Variants in PARD3B observed in about 807,000 individuals in gnomAD.
PARD3B encodes the protein partitioning defective 3 homolog B.
In PARD3B, 103 loss-of-function variants were observed where a neutral mutation model predicts 130.2. The observed-to-expected ratio is 0.79, with a 90% CI of 0.67 to 0.93. PARD3B has a LOEUF of 0.93. Ranked by LOEUF, PARD3B falls within the 40% of genes least tolerant of loss-of-function variation. The pLI is 0.00. For missense variants in PARD3B, 1,609 were observed against 1,499.2 expected (o/e 1.07, Z -1.21); for synonymous variants, 583 against 553.2 (o/e 1.05, Z -0.76).
At chr2:204,562,714 T>C (rs1402219242) in intron 1 of PARD3B, among the ~76,000 whole-genome samples, 1 of 152,168 alleles carries the variant, frequency 6.6e-6, no homozygotes, top group East Asian at 1.9e-4. Flanking sequence ...GCCTCTGTAT[T>C]TATAGACACA....
At chr2:205,314,985 C>G (rs62171482) in intron 18 of PARD3B, among the ~76,000 whole-genome samples, 2 of 152,110 alleles carry the variant, frequency 1.3e-5, no homozygotes. Flanking sequence ...CCCTTCTTTT[C>G]CACTTCCACT....
intron 22 of PARD3B, 121 bp from the exon 23 acceptor site, chr2:205,615,335 A>G: frequency 1.3e-6 from 1 of 741,006 alleles, no homozygotes; most frequent in Non-Finnish European, 2.3e-6. Flanking sequence ...TTCTGCTCCC[A>G]TCCCATTGGC....
Position 205,558,799 on chromosome 2 carries a change from C to T in PARD3B, c.3260+5396C>T, listed in dbSNP as rs143704053. Among the ~76,000 whole-genome samples the T allele has an allele frequency of 5.3e-5, 8 of 152,254 alleles. No homozygotes were observed. Among genetic ancestry groups the T allele is most frequent in the East Asian group, 1.9e-4 (1 of 5,178 alleles). On this transcript the variant is annotated intron_variant, in intron 22 of 22. Coordinates refer to ENST00000406610, the MANE Select transcript of PARD3B (RefSeq NM_001302769.2). This position sits in a 1 kb window ranked among gnomAD's most constrained non-coding sequence, Gnocchi z 4.8. ...TATACTCCTCCTTCTGCCTCCAAGACGCCTCCAAGTCCCCCTGCCAAAACC... is the reference window on the plus strand; with the variant it reads ...TATACTCCTCCTTCTGCCTCCAAGATGCCTCCAAGTCCCCCTGCCAAAACC...
intron 1 of PARD3B, among the ~76,000 whole-genome samples, chr2:204,579,400 C>G (rs534180481): frequency 6.6e-6 from 1 of 151,812 alleles, no homozygotes; most frequent in Non-Finnish European, 1.5e-5. Flanking sequence ...CCAGGGAGCG[C>G]GAGGAATGAT....
At chr2:205,465,294 T>C (rs1575088803) in intron 20 of PARD3B, among the ~76,000 whole-genome samples, 1 of 152,280 alleles carries the variant, frequency 6.6e-6, no homozygotes, top group East Asian at 1.9e-4. Context: ...CCTGACAATC[T>C]GATCTAGTGG....
chr2:205,335,178 T>A (rs1466533457), intron 18 of PARD3B, among the ~76,000 whole-genome samples: 1 of 152,170 alleles, frequency 6.6e-6, no homozygotes, highest in Non-Finnish European at 1.5e-5. Context: ...TCTGTGTTGC[T>A]TTGATCCAAT....
chr2:205,615,456 G>A lies in PARD3B; in HGVS notation c.3261G>A (p.Arg1087=). 2 of 1,588,198 alleles carry A rather than the reference G, an allele frequency of 1.3e-6. No homozygotes were observed. Among genetic ancestry groups the A allele is most frequent in the Non-Finnish European group, 1.7e-6 (2 of 1,167,000 alleles). Residue 1087 remains arginine, a splice_region_variant and synonymous_variant, in exon 23 of 23, where the codon AGG becomes AGA. Coordinates refer to ENST00000406610, the MANE Select transcript of PARD3B (RefSeq NM_001302769.2). ...CATGTGTCTCTTCTTCTCTTTCCAG[G>A]GGAGGACCCGCAGATCCTGTAGACT... ...GMERQYASLP[R]GGPADPVDYL... is the part of the protein sequence containing the mutation.
In PARD3B at chr2:205,375,760, T is replaced by C. The variant is rs551016195; in HGVS notation, c.2631-25253T>C. Among the ~76,000 whole-genome samples, 4 of 152,320 alleles carry C rather than the reference T, an allele frequency of 2.6e-5. No homozygotes were observed. In the South Asian group the frequency reaches 6.2e-4, roughly 24 times the overall value. Reference sequence around the variant, plus strand: ...GAGGCTTAAAGAAAAAGGTAAGTTATGCTTTTACTTGAATTTGAGAAGCCT... The same window carrying C: ...GAGGCTTAAAGAAAAAGGTAAGTTACGCTTTTACTTGAATTTGAGAAGCCT... On this transcript the variant is annotated intron_variant, in intron 18 of 22. Transcript: ENST00000406610.
At chr2:205,006,954 T>A (rs2125297791) in intron 3 of PARD3B, among the ~76,000 whole-genome samples, 1 of 152,328 alleles carries the variant, frequency 6.6e-6, no homozygotes, top group African/African-American at 2.4e-5. Context: ...TGTCTTAGAT[T>A]TAAGTATTTG....
At position 204,545,990 on chromosome 2, in the gene PARD3B, G is replaced by C; in HGVS notation, c.-10G>C. 6.4e-7 allele frequency: 1 copy of C among 1,554,576 alleles called. No individual in the cohort carries two copies. The highest frequency in any genetic ancestry group is 2.4e-5 in the East Asian group (1 of 40,874). ...TTCGGCCCGGCCCGGCGTGGTCGCC[G>C]GGGGCCAGGATGAAAGTGACCGTGT... is the stretch of plus-strand genomic sequence containing the variant. On this transcript the variant is annotated 5_prime_UTR_variant, in exon 1 of 23. Coordinates refer to ENST00000406610, the MANE Select transcript of PARD3B (RefSeq NM_001302769.2).
intron 2 of PARD3B, among the ~76,000 whole-genome samples, chr2:204,810,421 C>T (rs1306342050): frequency 1.3e-5 from 2 of 152,104 alleles, no homozygotes; most frequent in African/African-American, 4.8e-5. Flanking sequence ...TATGTCCCTA[C>T]AATACCTAGT....
Position 205,280,127 on chromosome 2 carries a change from C to A in PARD3B, c.2186-20403C>A, listed in dbSNP as rs1012852128. ...AAAGGTAGGAATAGCAGTTGCCATT[C>A]TCTGACATAAATAGCTCTCATATAA... On this transcript the variant is annotated intron_variant, in intron 16 of 22. Coordinates refer to ENST00000406610, the MANE Select transcript of PARD3B (RefSeq NM_001302769.2). This position sits in a 1 kb window ranked among gnomAD's most constrained non-coding sequence, Gnocchi z 4.7. Among the ~76,000 whole-genome samples the A allele has an allele frequency of 6.6e-6, 1 of 152,178 alleles. No individual in the cohort carries two copies. The highest frequency in any genetic ancestry group is 2.4e-5 in the African/African-American group (1 of 41,440).
chr2:204,948,532 C>T (rs961583259), intron 2 of PARD3B, among the ~76,000 whole-genome samples: 3 of 152,060 alleles, frequency 2.0e-5, no homozygotes, highest in Non-Finnish European at 4.4e-5. Context: ...CAAAAAGCTC[C>T]CAGTTCTGAC....
intron 2 of PARD3B, among the ~76,000 whole-genome samples, chr2:204,852,332 T>G (rs894455287): frequency 2.0e-5 from 3 of 152,118 alleles, no homozygotes; most frequent in Non-Finnish European, 2.9e-5. Context: ...CTTGTATGTA[T>G]ATATGTATAT....
At chr2:204,800,852 AT>A in intron 2 of PARD3B, among the ~76,000 whole-genome samples, 1 of 152,150 alleles carries the variant, frequency 6.6e-6, no homozygotes, top group Non-Finnish European at 1.5e-5. Flanking sequence ...TAGGTCTTAC[AT>A]TTAAGTCTTT....
In PARD3B at chr2:205,420,269, T is replaced by C. The variant is rs577204283; in HGVS notation, c.2741+19146T>C. 2.6e-5 allele frequency among the ~76,000 whole-genome samples: 4 copies of C among 152,344 alleles called. No individual in the cohort carries two copies. In the South Asian group the frequency reaches 8.3e-4, roughly 32 times the overall value. ...TCATCTCCCCTGTCTCAGATGTGGATAACTGTTACTGTTATTCCTAACAAT... is the reference window on the plus strand; with the variant it reads ...TCATCTCCCCTGTCTCAGATGTGGACAACTGTTACTGTTATTCCTAACAAT... On this transcript the variant is annotated intron_variant, in intron 19 of 22. Transcript: ENST00000406610.
At chr2:205,381,142 A>G (rs1215490299) in intron 18 of PARD3B, among the ~76,000 whole-genome samples, 1 of 65,494 alleles carries the variant, frequency 1.5e-5, no homozygotes, top group Non-Finnish European at 3.4e-5. Context: ...TAAAGAATAT[A>G]TAATATATAT....
chr2:204,800,197 A>G (rs7595417), intron 2 of PARD3B, among the ~76,000 whole-genome samples: 11,320 of 152,228 alleles, frequency 0.074, 569 homozygotes, highest in African/African-American at 0.14. Context: ...AATTATAAAA[A>G]CTGAAGCAGA....
chr2:204,648,393 T>C (rs1056402585), intron 1 of PARD3B, among the ~76,000 whole-genome samples: 1 of 150,578 alleles, frequency 6.6e-6, no homozygotes, highest in Non-Finnish European at 1.5e-5. Flanking sequence ...TATATCACAT[T>C]TCAGTTGTTT....
Sources: allele counts gnomAD v4.1 joint callset (sites outside exome capture counted in the v4.1 genomes callset), GRCh38; gene constraint gnomAD v4.1.1; non-coding constraint Gnocchi (gnomAD v3.1); transcripts MANE v1.5; gene names NCBI Gene and HGNC (gene_info 2026-07-23, HGNC 2026-07-21).